CWH43: variants seen among roughly 807,000 people sequenced by gnomAD.
CWH43 encodes cell wall biogenesis 43 C-terminal homolog.
In CWH43, 91 loss-of-function variants were observed where a neutral mutation model predicts 85.7. The ratio of observed to expected loss-of-function variants is 1.06; its 90% CI spans 0.90 to 1.26. The LOEUF is 1.26. Among genes scored for constraint, CWH43 ranks in the 50% most tolerant of loss-of-function variants. CWH43 has a pLI of 0.00. For synonymous variants in CWH43, 323 were observed against 293.6 expected (o/e 1.10, Z -1.02); for missense variants, 869 against 839.2 (o/e 1.04, Z -0.44).
Position 49,044,825 on chromosome 4 carries a change from A to G in CWH43, c.1843A>G (p.Ile615Val). ...STDHDRWCEY[I>V]MYRGLIRLGY... ...TGATCATGACAGATGGTGTGAATAC[A>G]TTATGTATCGAGGGCTGATCAGGTG... Residue 615 changes from isoleucine to valine, a missense_variant, in exon 14 of 16, where the codon ATT becomes GTT. Coordinates refer to ENST00000226432, the MANE Select transcript of CWH43 (RefSeq NM_025087.3). The G allele has an allele frequency of 1.9e-6, 3 of 1,613,270 alleles. No individual in the cohort carries two copies. Among genetic ancestry groups the G allele is most frequent in the Non-Finnish European group, 1.7e-6 (2 of 1,179,400 alleles).
chr4:49,019,743 C>A (rs1018905416), intron 9 of CWH43, among the ~76,000 whole-genome samples: 1 of 151,880 alleles, frequency 6.6e-6, no homozygotes, highest in African/African-American at 2.4e-5. Flanking sequence ...CCATGCCCAG[C>A]TAATTTTTGT....
chr4:49,025,812 T>A (rs1783898553), intron 9 of CWH43, among the ~76,000 whole-genome samples: 1 of 152,180 alleles, frequency 6.6e-6, no homozygotes, highest in African/African-American at 2.4e-5. Context: ...TTAAGTGTGC[T>A]GGTTTTGTTG....
At chr4:48,995,294 C>T (rs1260659377) in intron 5 of CWH43, among the ~76,000 whole-genome samples, 1 of 152,194 alleles carries the variant, frequency 6.6e-6, no homozygotes, top group Non-Finnish European at 1.5e-5. Context: ...GAGATCCCTG[C>T]ATCTTCTGGT....
chr4:49,043,492 C>A (rs1323164395), intron 13 of CWH43, among the ~76,000 whole-genome samples: 1 of 152,148 alleles, frequency 6.6e-6, no homozygotes, highest in Non-Finnish European at 1.5e-5. Context: ...CTGTCGTGAT[C>A]AAAAGCTGTG....
At chr4:48,998,352 C>A in intron 5 of CWH43, 108 bp from the exon 6 acceptor site, 1 of 810,916 alleles carries the variant, frequency 1.2e-6, no homozygotes, top group Non-Finnish European at 2.1e-6. Context: ...GTTTCACACA[C>A]GTTATCTCTT....
intron 3 of CWH43, 48 bp downstream of exon 3, chr4:48,991,622 TA>T: frequency 6.3e-7 from 1 of 1,594,292 alleles, no homozygotes; most frequent in Non-Finnish European, 8.5e-7. Flanking sequence ...TATAACCAGT[TA>T]CCAAAGGGAA....
rs1425540472 is a variant in CWH43, at chr4:49,046,542, G to A, written c.1865+1695G>A. ...TGAAAGAAAAATAATAAATCCAGGTGAGAAGGCAGGGTGTGTGGGGGTGGC... is the reference window on the plus strand; with the variant it reads ...TGAAAGAAAAATAATAAATCCAGGTAAGAAGGCAGGGTGTGTGGGGGTGGC... On this transcript the variant is annotated intron_variant, in intron 14 of 15. Transcript: ENST00000226432. 4.6e-5 allele frequency among the ~76,000 whole-genome samples: 7 copies of A among 152,152 alleles called. No homozygotes were observed. The East Asian group carries it at 1.3e-3, about 29-fold the overall frequency.
Position 49,030,825 on chromosome 4 carries a change from G to A in CWH43, c.1373G>A (p.Gly458Asp). 6.4e-7 allele frequency: 1 copy of A among 1,568,028 alleles called. No homozygotes were observed. The highest frequency in any genetic ancestry group is 8.6e-7 in the Non-Finnish European group (1 of 1,163,932). ...ATGCTACTTTTTTTTTTCTGAACAGGTGCAGATTTCATAACAATTTTGGAG... is the reference window on the plus strand; with the variant it reads ...ATGCTACTTTTTTTTTTCTGAACAGATGCAGATTTCATAACAATTTTGGAG... ...ERSAHLLNET[G>D]ADFITILESD... The change falls in exon 11 of 16, where the codon GGT becomes GAT. Residue 458 changes from glycine (G) to aspartate (D), a missense_variant and splice_region_variant. Physicochemically the swap from Gly to Asp is moderately conservative, Grantham distance 94. Coordinates refer to ENST00000226432, the MANE Select transcript of CWH43 (RefSeq NM_025087.3).
At chr4:49,050,411 C>T (rs779096288) in intron 14 of CWH43, among the ~76,000 whole-genome samples, 1 of 152,030 alleles carries the variant, frequency 6.6e-6, no homozygotes, top group Non-Finnish European at 1.5e-5. Flanking sequence ...GTGTGGGAGG[C>T]AATTTGTATG....
Position 49,030,936 on chromosome 4 carries a change from C to T in CWH43, c.1484C>T (p.Pro495Leu), listed in dbSNP as rs1329657863. Residue 495 changes from proline (P) to leucine (L), a missense_variant, in exon 11 of 16, where the codon CCA becomes CTA. Physicochemically the swap from Pro to Leu is moderately conservative, Grantham distance 98 (BLOSUM62 -3). This residue lies in a region of CWH43 where 577 missense variants were observed against 513.1 expected (regional missense o/e 1.12). Coordinates refer to ENST00000226432, the MANE Select transcript of CWH43 (RefSeq NM_025087.3). Reference sequence around the variant, plus strand: ...TTGGGTTTCTATACAGACTTTGGTCCAAGCACAAGGTATCACACTTGGGGG... The same window carrying T: ...TTGGGTTTCTATACAGACTTTGGTCTAAGCACAAGGTATCACACTTGGGGG... The part of the protein sequence containing the change: ...EKLGFYTDFG[P>L]STRYHTWGIM... The T allele has an allele frequency of 6.2e-7, 1 of 1,603,724 alleles. No homozygotes were observed. The highest frequency in any genetic ancestry group is 1.7e-5 in the Admixed American group (1 of 57,814).
At chr4:49,014,251 G>A (rs1266349709) in intron 8 of CWH43, among the ~76,000 whole-genome samples, 4 of 152,070 alleles carry the variant, frequency 2.6e-5, no homozygotes, top group Non-Finnish European at 5.9e-5. Flanking sequence ...CCAGGAGTTC[G>A]AGACCAGCAT....
At chr4:49,017,683 C>T (rs541207210) in intron 9 of CWH43, among the ~76,000 whole-genome samples, 1 of 152,220 alleles carries the variant, frequency 6.6e-6, no homozygotes, top group South Asian at 2.1e-4. Flanking sequence ...TTAATTATCC[C>T]ATGGTTCTAC....
In CWH43 at chr4:49,048,336, C is replaced by CTG. The variant is rs1342658633; in HGVS notation, c.1866-2352_1866-2351dup. On this transcript the variant is annotated intron_variant, in intron 14 of 15. Transcript: ENST00000226432. ...ATATATACACTCTGTGTGTATCACT[C>CTG]TGTGTGTATATATATATACACTCTG... Among the ~76,000 whole-genome samples the CTG allele has an allele frequency of 3.3e-3, 495 of 150,742 alleles. 12 individuals carry two copies. Among genetic ancestry groups the CTG allele is most frequent in the East Asian group, 7.8e-4 (4 of 5,120 alleles).
chr4:49,032,774 T>C, intron 12 of CWH43, 59 bp downstream of exon 12: 1 of 1,568,892 alleles, frequency 6.4e-7, no homozygotes, highest in Non-Finnish European at 8.8e-7. Context: ...ATTAACAATG[T>C]ACTTTGATTT....
chr4:48,992,996 T>C lies in CWH43; in HGVS notation c.511+906T>C, dbSNP rs1309395152. Among the ~76,000 whole-genome samples the C allele has an allele frequency of 1.3e-5, 2 of 152,190 alleles. No homozygotes were observed. The highest frequency in any genetic ancestry group is 2.9e-5 in the Non-Finnish European group (2 of 68,034). On this transcript the variant is annotated intron_variant, in intron 4 of 15. Transcript: ENST00000226432. This position sits in a 1 kb window ranked among gnomAD's most constrained non-coding sequence, Gnocchi z 4.3. Reference sequence around the variant, plus strand: ...TACATTCATATCTAGAGGCAGAGACTCGGGCAGCCCATTTTGCCGGTACAG... The same window carrying C: ...TACATTCATATCTAGAGGCAGAGACCCGGGCAGCCCATTTTGCCGGTACAG...
At chr4:49,003,505 TAGC>T (rs375301585) in intron 6 of CWH43, 87 of 482,614 alleles carry the variant, frequency 1.8e-4, no homozygotes, top group African/African-American at 1.5e-3. Flanking sequence ...TCTGAGGAAA[TAGC>T]AGTGAACTGA....
chr4:49,024,180 T>C (rs1783833658), intron 9 of CWH43, among the ~76,000 whole-genome samples: 1 of 152,240 alleles, frequency 6.6e-6, no homozygotes, highest in South Asian at 2.1e-4. Flanking sequence ...TCACTTTTGG[T>C]GTCCATTTGC....
intron 6 of CWH43, 93 bp from the exon 7 acceptor site, chr4:49,003,642 C>T: frequency 8.0e-7 from 1 of 1,243,964 alleles, no homozygotes; most frequent in South Asian, 1.4e-5. Context: ...ATCAGTATAC[C>T]CCTAAGGTCT....
chr4:49,024,530 G>A (rs1783844026), intron 9 of CWH43, among the ~76,000 whole-genome samples: 1 of 152,104 alleles, frequency 6.6e-6, no homozygotes, highest in Admixed American at 6.5e-5. Context: ...AGCAGTTCTT[G>A]TAGTGCTGGC....
Sources: allele counts gnomAD v4.1 joint callset (sites outside exome capture counted in the v4.1 genomes callset), GRCh38; gene constraint gnomAD v4.1.1; regional missense constraint gnomAD v4.1.1; non-coding constraint Gnocchi (gnomAD v3.1); transcripts MANE v1.5; gene names NCBI Gene and HGNC (gene_info 2026-07-23, HGNC 2026-07-21).